Variants in TXNL1 observed in about 807,000 individuals in gnomAD.
The protein encoded by TXNL1 is thioredoxin like 1.
In TXNL1, 14 loss-of-function variants were observed where a neutral mutation model predicts 35.5. The observed-to-expected ratio is 0.39, with a 90% confidence interval of 0.26 to 0.62. TXNL1 has a LOEUF of 0.62. Among genes scored for constraint, TXNL1 ranks in the 20% least tolerant of loss-of-function variants. The pLI is 0.47. For missense variants in TXNL1, 263 were observed against 349.7 expected (o/e 0.75, Z 1.98); for synonymous variants, 110 against 115.5 (o/e 0.95, Z 0.31).
intron 1 of TXNL1, among the ~76,000 whole-genome samples, chr18:56,633,859 C>T (rs2024415228): frequency 6.6e-6 from 1 of 151,584 alleles, no homozygotes; most frequent in Middle Eastern, 3.2e-3. Flanking sequence ...TGGCGCATAC[C>T]TGTAATCCCA....
chr18:56,620,857 A>T (rs2024168002), intron 3 of TXNL1, among the ~76,000 whole-genome samples: 1 of 152,264 alleles, frequency 6.6e-6, no homozygotes, highest in African/African-American at 2.4e-5. Context: ...AACAGCCTAA[A>T]TGCTTTCAAA....
In TXNL1 at chr18:56,616,333, C is replaced by A; in HGVS notation, c.493-19G>T. ...TAAGCAGCTGTGAAGATAAGAGTTT[C>A]ATTTTAAAGGGCTCTTGTACACACC... On this transcript the variant is annotated intron_variant, in intron 4 of 7. Transcript: ENST00000217515. The A allele has an allele frequency of 6.2e-7, 1 of 1,608,272 alleles. No homozygotes were observed. The highest frequency in any genetic ancestry group is 1.1e-5 in the South Asian group (1 of 90,866).
chr18:56,637,121 T>C (rs932663782), intron 1 of TXNL1, among the ~76,000 whole-genome samples: 18 of 152,320 alleles, frequency 1.2e-4, no homozygotes, highest in African/African-American at 4.1e-4. Context: ...TTCAATTCAG[T>C]GTAAGAGAGA....
In TXNL1 at chr18:56,611,059, T is replaced by C; in HGVS notation, c.774A>G (p.Thr258=). 1 of 1,608,278 alleles carries C rather than the reference T, an allele frequency of 6.2e-7. No individual in the cohort carries two copies. The highest frequency in any genetic ancestry group is 8.5e-7 in the Non-Finnish European group (1 of 1,178,190). The part of the protein sequence containing the change: ...VQSNQGEEET[T]RISYFTFIGT... ...CAATAAAAGTAAAATATGAAATTCT[T>C]GTTGTTTCCTCTTCACCTTGATTCG... Residue 258 remains threonine, a synonymous_variant, in exon 7 of 8, where the codon ACA becomes ACG. Coordinates refer to ENST00000217515, the MANE Select transcript of TXNL1 (RefSeq NM_004786.3).
At chr18:56,608,121 G>C (rs1387286151) in intron 7 of TXNL1, among the ~76,000 whole-genome samples, 3 of 152,070 alleles carry the variant, frequency 2.0e-5, no homozygotes, top group Admixed American at 2.0e-4. Context: ...AGAGACTATT[G>C]TACTAGCATC....
intron 1 of TXNL1, among the ~76,000 whole-genome samples, chr18:56,637,420 C>T (rs978758898): frequency 1.3e-5 from 2 of 152,188 alleles, no homozygotes; most frequent in African/African-American, 4.8e-5. Flanking sequence ...ATACTTCTAA[C>T]TAAATACTAT....
At chr18:56,637,067 T>C (rs1319747359) in intron 1 of TXNL1, among the ~76,000 whole-genome samples, 3 of 152,202 alleles carry the variant, frequency 2.0e-5, no homozygotes, top group Non-Finnish European at 4.4e-5. Flanking sequence ...GTATATCATA[T>C]GGGTACTCTA....
chr18:56,607,420 G>A (rs548610331), intron 7 of TXNL1, among the ~76,000 whole-genome samples: 2 of 152,084 alleles, frequency 1.3e-5, no homozygotes, highest in Admixed American at 1.3e-4. Context: ...GCCTCCGGAA[G>A]TGATGGGATT....
chr18:56,619,213 C>CA (rs780757654), intron 3 of TXNL1, among the ~76,000 whole-genome samples: 10,764 of 64,704 alleles, frequency 0.17, 825 homozygotes, highest in East Asian at 0.31. Flanking sequence ...GACCCTGTCT[C>CA]AAAAAAAAAA....
intron 6 of TXNL1, among the ~76,000 whole-genome samples, chr18:56,612,654 G>A (rs757516909): frequency 1.3e-5 from 2 of 151,942 alleles, no homozygotes; most frequent in African/African-American, 2.4e-5. Context: ...GACTACCAGC[G>A]TACTCCCATG....
At chr18:56,632,290 AT>A (rs71169378) in intron 1 of TXNL1, among the ~76,000 whole-genome samples, 12 of 151,696 alleles carry the variant, frequency 7.9e-5, no homozygotes, top group African/African-American at 1.7e-4. Flanking sequence ...CAGTTAAAGA[AT>A]TTTTTTTTCT....
At chr18:56,619,043 CTAAA>C (rs2024136088) in intron 3 of TXNL1, among the ~76,000 whole-genome samples, 1 of 151,402 alleles carries the variant, frequency 6.6e-6, no homozygotes, top group African/African-American at 2.4e-5. Context: ...GACTTTGTCT[CTAAA>C]AAACTTAAAA....
intron 3 of TXNL1, 152 bp from the exon 4 acceptor site, chr18:56,618,278 T>C: frequency 1.3e-6 from 1 of 797,358 alleles, no homozygotes; most frequent in Non-Finnish European, 1.9e-6. Flanking sequence ...TTCATTTGCA[T>C]TTCTGACTGA....
chr18:56,610,174 T>C (rs996505169), intron 7 of TXNL1: 1 of 152,196 alleles, frequency 6.6e-6, no homozygotes, highest in African/African-American at 2.4e-5. Context: ...CCAGATGCAA[T>C]CATTAGAGAC....
At chr18:56,624,988 T>C (rs2024252579) in intron 2 of TXNL1, among the ~76,000 whole-genome samples, 2 of 152,302 alleles carry the variant, frequency 1.3e-5, no homozygotes, top group Middle Eastern at 3.4e-3. Flanking sequence ...CTAACAGCTA[T>C]CTTTATAAAT....
chr18:56,638,467 C>T lies in TXNL1; in HGVS notation c.-27G>A, dbSNP rs2144349878. Reference sequence around the variant, plus strand: ...CTCACAGAGAGCCCGGCAGGGTGGCCGCGACGCCACTGGCTTTGAAACTGA... The same window carrying T: ...CTCACAGAGAGCCCGGCAGGGTGGCTGCGACGCCACTGGCTTTGAAACTGA... On this transcript the variant is annotated 5_prime_UTR_variant, in exon 1 of 8. Coordinates refer to ENST00000217515, the MANE Select transcript of TXNL1 (RefSeq NM_004786.3). The T allele has an allele frequency of 6.2e-7, 1 of 1,600,990 alleles. No homozygotes were observed. The highest frequency in any genetic ancestry group is 8.5e-7 in the Non-Finnish European group (1 of 1,172,066).
chr18:56,630,260 T>G (rs1448778825), intron 1 of TXNL1, among the ~76,000 whole-genome samples: 1 of 150,042 alleles, frequency 6.7e-6, no homozygotes, highest in Non-Finnish European at 1.5e-5. Flanking sequence ...CATCCCAGCA[T>G]GTGGCTCAGA....
At chr18:56,638,259 G>A (rs2024488479) in intron 1 of TXNL1, 84 bp downstream of exon 1, 19 of 1,402,898 alleles carry the variant, frequency 1.4e-5, no homozygotes, top group African/African-American at 2.9e-5. Flanking sequence ...GGCAGCAGAC[G>A]GCTAGGAAAC....
At chr18:56,631,082 G>GC (rs1568109156) in intron 1 of TXNL1, among the ~76,000 whole-genome samples, 2 of 151,948 alleles carry the variant, frequency 1.3e-5, no homozygotes, top group Non-Finnish European at 2.9e-5. Context: ...GTCTGCCTAT[G>GC]TTGCCCAGGC....
Sources: allele counts gnomAD v4.1 joint callset (sites outside exome capture counted in the v4.1 genomes callset), GRCh38; gene constraint gnomAD v4.1.1; transcripts MANE v1.5; gene names NCBI Gene and HGNC (gene_info 2026-07-23, HGNC 2026-07-21).